SYNE1: variants seen among roughly 807,000 people sequenced by gnomAD.
SYNE1 encodes spectrin repeat containing nuclear envelope protein 1.
Under a neutral mutation model 1,111.0 loss-of-function variants are expected in SYNE1, and 616 were observed. The ratio of observed to expected loss-of-function variants is 0.55; its 90% CI spans 0.52 to 0.59. The LOEUF (loss-of-function observed/expected upper bound fraction) is 0.59, where lower values mean the gene tolerates loss of function less well. SYNE1 is among the 20% of genes least tolerant of loss of function. SYNE1 has a pLI of 0.00. For missense variants in SYNE1, 10,006 were observed against 10,417.0 expected (o/e 0.96, Z 1.72); for synonymous variants, 3,855 against 3,825.8 (o/e 1.01, Z -0.28).
chr6:152,495,077 G>A (rs1330401351), intron 11 of SYNE1, among the ~76,000 whole-genome samples: 1 of 152,062 alleles, frequency 6.6e-6, no homozygotes, highest in Non-Finnish European at 1.5e-5. Flanking sequence ...TAGGTTACAA[G>A]CCACTAGCCC....
chr6:152,159,071 C>T (rs1351536963), intron 131 of SYNE1, among the ~76,000 whole-genome samples: 1 of 152,224 alleles, frequency 6.6e-6, no homozygotes, highest in Non-Finnish European at 1.5e-5. Context: ...CCTGCCTCAG[C>T]CTCCTGAGTA....
intron 111 of SYNE1, 63 bp from the exon 112 acceptor site, chr6:152,234,026 C>A: frequency 1.3e-6 from 2 of 1,555,858 alleles, no homozygotes; most frequent in Non-Finnish European, 1.8e-6. Context: ...AAAAGGAAAG[C>A]GACCAATTTA....
In SYNE1 at chr6:152,362,237, T is replaced by G; in HGVS notation, c.10232A>C (p.Asn3411Thr). Residue 3411 changes from asparagine (N) to threonine (T), a missense_variant, in exon 64 of 146, where the codon AAC becomes ACC. Physicochemically the swap from Asn to Thr is moderately conservative, Grantham distance 65 (BLOSUM62 0). Around this residue, in one of 7 missense-constraint regions of SYNE1, gnomAD observed 4,955 missense variants for 5,017.2 expected, o/e 0.99. Transcript: ENST00000367255. ...FSGWMDSMEA[N>T]LNESERQHAE... The stretch of plus-strand genomic sequence containing the variant: ...ATGCTGCCTTTCTGATTCATTCAGG[T>G]TGGCTTCCATACTATCCATCCAACC... 1 of 1,614,216 alleles carries G rather than the reference T, an allele frequency of 6.2e-7. No homozygotes were observed. Among genetic ancestry groups the G allele is most frequent in the African/African-American group, 1.3e-5 (1 of 75,046 alleles).
chr6:152,404,202 A>G lies in SYNE1; in HGVS notation c.6825+11T>C. 6.2e-7 allele frequency: 1 copy of G among 1,607,028 alleles called. No homozygotes were observed. The highest frequency in any genetic ancestry group is 1.1e-5 in the South Asian group (1 of 90,908). On this transcript the variant is annotated intron_variant, in intron 46 of 145. Transcript: ENST00000367255. ...TGGATGGAAGTCTAGTAGTTATTAC[A>G]AAATGCTTACCTGAAGGTCTGGCGG...
chr6:152,194,144 T>C (rs1448068149), intron 127 of SYNE1, among the ~76,000 whole-genome samples: 1 of 152,270 alleles, frequency 6.6e-6, no homozygotes, highest in African/African-American at 2.4e-5. Flanking sequence ...TAACATTCTT[T>C]TCTTTCAGAT....
At chr6:152,481,687 C>T (rs1039647668) in intron 14 of SYNE1, 6 of 355,080 alleles carry the variant, frequency 1.7e-5, no homozygotes, top group African/African-American at 1.1e-4. Flanking sequence ...TTGTGTAATA[C>T]TATTTTCACA....
At chr6:152,587,491 C>A (rs1300155888) in intron 3 of SYNE1, among the ~76,000 whole-genome samples, 1 of 152,102 alleles carries the variant, frequency 6.6e-6, no homozygotes, top group Non-Finnish European at 1.5e-5. Flanking sequence ...AAATCAAATT[C>A]ACACAAAATA....
chr6:152,169,807 A>T (rs1438075194), intron 130 of SYNE1, among the ~76,000 whole-genome samples: 3 of 151,694 alleles, frequency 2.0e-5, no homozygotes, highest in Admixed American at 6.6e-5. Context: ...TCAAAAAAAA[A>T]AATAAAAAAT....
chr6:152,614,974 C>T (rs1435903530), intron 3 of SYNE1, among the ~76,000 whole-genome samples: 3 of 151,996 alleles, frequency 2.0e-5, no homozygotes, highest in African/African-American at 7.3e-5. Context: ...CATCACATAC[C>T]GGGGCCTGTC....
Position 152,220,735 on chromosome 6 carries a change from T to C in SYNE1, c.21861+107A>G, listed in dbSNP as rs1392022020. 1.2e-5 allele frequency: 12 copies of C among 1,034,164 alleles called. No homozygotes were observed. In the East Asian group the frequency reaches 2.1e-4, roughly 18 times the overall value. The allele number at this position is 1,034,164 out of a possible 1,614,324, so 64.1% of individuals were successfully genotyped here. A position where few individuals can be genotyped will look rare whatever the true frequency, so the allele number is the denominator to read the frequency against. On this transcript the variant is annotated intron_variant, in intron 119 of 145. Coordinates refer to ENST00000367255, the MANE Select transcript of SYNE1 (RefSeq NM_182961.4). Reference sequence around the variant, plus strand: ...TGATCCTAAGACAGTTATTTTTGGGTAACTGTCTCACATAGAAAGACATAC... The same window carrying C: ...TGATCCTAAGACAGTTATTTTTGGGCAACTGTCTCACATAGAAAGACATAC...
chr6:152,316,733 T>A, intron 87 of SYNE1, 116 bp downstream of exon 87: 1 of 1,235,188 alleles, frequency 8.1e-7, no homozygotes, highest in South Asian at 1.3e-5. Flanking sequence ...TAGCATTCTT[T>A]TTATCTGGTA....
chr6:152,262,753 G>A (rs1468705191), intron 100 of SYNE1, among the ~76,000 whole-genome samples: 3 of 150,990 alleles, frequency 2.0e-5, no homozygotes, highest in Non-Finnish European at 3.0e-5. Flanking sequence ...CAGGAACTGC[G>A]AAGGTAGTAC....
At chr6:152,516,879 T>C (rs555138183) in intron 6 of SYNE1, among the ~76,000 whole-genome samples, 44 of 152,092 alleles carry the variant, frequency 2.9e-4, no homozygotes, top group Non-Finnish European at 5.7e-4. Flanking sequence ...AGCCACTGCA[T>C]CTGGTCCTGA....
intron 87 of SYNE1, among the ~76,000 whole-genome samples, chr6:152,312,361 C>T (rs933700875): frequency 1.0e-4 from 15 of 150,700 alleles, no homozygotes; most frequent in African/African-American, 3.1e-4. Context: ...AGGCATGAGC[C>T]GCCACGCCCA....
rs79934378 is a variant in SYNE1 at position 152,133,634 on chromosome 6, G to A, written c.25789-146C>T. 1,109 of 794,844 alleles carry A rather than the reference G, an allele frequency of 1.4e-3. 13 individuals are homozygous for A. The African/African-American group carries it at 0.017, about 13-fold the overall frequency. 49.2% of individuals were successfully genotyped at this position (794,844 alleles called of 1,614,324 possible). On this transcript the variant is annotated intron_variant, in intron 142 of 145. Transcript: ENST00000367255. ...AGCTCACACACTAAAGGATGCAGCA[G>A]CTCACGGCCTGAGTTCTAATCCTGC...
intron 42 of SYNE1, among the ~76,000 whole-genome samples, chr6:152,409,972 T>G (rs551452383): frequency 6.6e-6 from 1 of 152,176 alleles, no homozygotes; most frequent in Non-Finnish European, 1.5e-5. Flanking sequence ...ATGAACTCAA[T>G]GACAAAGAAG....
At chr6:152,443,351 G>A (rs537108904) in intron 30 of SYNE1, among the ~76,000 whole-genome samples, 3 of 152,146 alleles carry the variant, frequency 2.0e-5, no homozygotes, top group African/African-American at 4.8e-5. Context: ...TGCAAGCTCC[G>A]TCTCCCGGGT....
intron 93 of SYNE1, among the ~76,000 whole-genome samples, chr6:152,298,190 G>T (rs536448157): frequency 1.3e-4 from 20 of 152,340 alleles, no homozygotes; most frequent in African/African-American, 3.8e-4. Flanking sequence ...GAATTAAGTA[G>T]TATTGCTTCT....
intron 10 of SYNE1, 37 bp downstream of exon 10, chr6:152,502,595 GC>G (rs1291320824): frequency 1.4e-6 from 2 of 1,445,660 alleles, no homozygotes; most frequent in African/African-American, 1.4e-5. Flanking sequence ...CACTGTCATT[GC>G]ATATACCAGT....
Sources: allele counts gnomAD v4.1 joint callset (sites outside exome capture counted in the v4.1 genomes callset), GRCh38; gene constraint gnomAD v4.1.1; regional missense constraint gnomAD v4.1.1; transcripts MANE v1.5; gene names NCBI Gene and HGNC (gene_info 2026-07-23, HGNC 2026-07-21).